NXPE4: variants seen among roughly 807,000 people sequenced by gnomAD.
The protein encoded by NXPE4 is neurexophilin and PC-esterase domain family member 4.
NXPE4 carries 42 observed loss-of-function variants against 33.3 expected under a neutral mutation model. The observed-to-expected ratio is 1.26, with a 90% CI of 0.98 to 1.63. The LOEUF (loss-of-function observed/expected upper bound fraction) is 1.63. Ranked by LOEUF, NXPE4 falls within the 40% of genes most tolerant of loss-of-function variation. The pLI, the probability that NXPE4 is intolerant of heterozygous loss-of-function variation, is 0.00. For missense variants in NXPE4, 709 were observed against 647.6 expected (o/e 1.09, Z -1.03); for synonymous variants, 253 against 234.9 (o/e 1.08, Z -0.71).
At chr11:114,663,638 A>ATCATCTATCTATCATCTG in the NXPE4 span, among the ~76,000 whole-genome samples, 1 of 7,772 alleles carries the variant, frequency 1.3e-4, no homozygotes, top group Non-Finnish European at 4.7e-4. Context: ...TCTATCTATC[A>ATCATCTATCTATCATCTG]TCTATCCATC....
Position 114,582,858 on chromosome 11 carries a change from G to C in NXPE4, c.260C>G (p.Pro87Arg). 1.9e-6 allele frequency: 3 copies of C among 1,614,176 alleles called. No homozygotes were observed. Among genetic ancestry groups the C allele is most frequent in the Non-Finnish European group, 2.5e-6 (3 of 1,180,002 alleles). The change falls in exon 3 of 6, where the codon CCT (proline) becomes CGT (arginine). Residue 87 changes from proline (P) to arginine (R), a missense_variant. Coordinates refer to ENST00000375478, the MANE Select transcript of NXPE4 (RefSeq NM_001077639.2). The part of the protein sequence containing the change: ...EKLDQQIPPR[P>R]FTHVNTTTSA... ...GGTGGTGGTGTTCACGTGGGTGAAAGGTCTGGGTGGGATCTGCTGATCTAG... is the reference window on the plus strand; with the variant it reads ...GGTGGTGGTGTTCACGTGGGTGAAACGTCTGGGTGGGATCTGCTGATCTAG...
Position 114,583,029 on chromosome 11 carries a change from G to A in NXPE4, c.97-8C>T, listed in dbSNP as rs1489523690. Reference sequence around the variant, plus strand: ...GTTTAGAGCAGACCAAACCTGAAATGACAGCAAATGTGACATGAGATGGAT... The same window carrying A: ...GTTTAGAGCAGACCAAACCTGAAATAACAGCAAATGTGACATGAGATGGAT... On this transcript the variant is annotated splice_polypyrimidine_tract_variant and splice_region_variant and intron_variant, in intron 2 of 5. Transcript: ENST00000375478. 6.3e-7 allele frequency: 1 copy of A among 1,598,000 alleles called. No individual in the cohort carries two copies. Among genetic ancestry groups the A allele is most frequent in the South Asian group, 1.1e-5 (1 of 89,216 alleles).
chr11:114,572,237 T>C (rs1948908130), intron 5 of NXPE4, among the ~76,000 whole-genome samples: 1 of 152,138 alleles, frequency 6.6e-6, no homozygotes, highest in African/African-American at 2.4e-5. Flanking sequence ...GAATCCCAGA[T>C]CTTCCCTCTG....
the NXPE4 span, among the ~76,000 whole-genome samples, chr11:114,605,870 T>C: frequency 3.3e-5 from 5 of 151,166 alleles, no homozygotes; most frequent in Non-Finnish European, 5.9e-5. Flanking sequence ...TGGTGGATAA[T>C]AAGTGTTGCC....
chr11:114,574,976 TC>T (rs1163967772), intron 5 of NXPE4, among the ~76,000 whole-genome samples: 2 of 152,162 alleles, frequency 1.3e-5, no homozygotes, highest in Admixed American at 6.5e-5. Flanking sequence ...CAATGGCATA[TC>T]AAAAAGATAA....
At chr11:114,670,711 G>A in the NXPE4 span, among the ~76,000 whole-genome samples, 1 of 151,724 alleles carries the variant, frequency 6.6e-6, no homozygotes, top group Non-Finnish European at 1.5e-5. Flanking sequence ...ATAAATAAAA[G>A]TAAAACAAGC....
At chr11:114,627,170 G>A in the NXPE4 span, among the ~76,000 whole-genome samples, 17 of 152,058 alleles carry the variant, frequency 1.1e-4, no homozygotes, top group South Asian at 4.2e-4. Flanking sequence ...TACAGAGAAC[G>A]CCACAAAGAT....
the NXPE4 span, among the ~76,000 whole-genome samples, chr11:114,635,468 C>A: frequency 1.3e-5 from 2 of 151,426 alleles, no homozygotes; most frequent in Middle Eastern, 3.4e-3. Context: ...CCTTCTCCTG[C>A]GTAATTGCCC....
chr11:114,610,406 G>A, the NXPE4 span, among the ~76,000 whole-genome samples: 4 of 151,846 alleles, frequency 2.6e-5, 1 homozygote, highest in African/African-American at 9.7e-5. Flanking sequence ...CTGTTATCCA[G>A]GGAATAATAC....
the NXPE4 span, among the ~76,000 whole-genome samples, chr11:114,629,481 T>C: frequency 6.6e-6 from 1 of 151,290 alleles, no homozygotes; most frequent in African/African-American, 2.4e-5. Flanking sequence ...CCCTTCATGC[T>C]AAAAACTCTC....
chr11:114,640,580 A>G, the NXPE4 span, among the ~76,000 whole-genome samples: 15 of 152,060 alleles, frequency 9.9e-5, no homozygotes, highest in Non-Finnish European at 1.6e-4. Flanking sequence ...CCCACAATGC[A>G]TAAGTGTTCC....
At chr11:114,633,007 A>C in the NXPE4 span, among the ~76,000 whole-genome samples, 3 of 106,184 alleles carry the variant, frequency 2.8e-5, no homozygotes, top group Admixed American at 1.4e-4. Flanking sequence ...ATAATAATAT[A>C]TATTATATAA....
chr11:114,577,361 G>A (rs1225494947), intron 5 of NXPE4, among the ~76,000 whole-genome samples: 1 of 151,700 alleles, frequency 6.6e-6, no homozygotes, highest in Non-Finnish European at 1.5e-5. Flanking sequence ...AGGACGCAAA[G>A]GCTTAAGAAT....
the NXPE4 span, among the ~76,000 whole-genome samples, chr11:114,616,846 A>T: frequency 6.6e-6 from 1 of 151,836 alleles, no homozygotes; most frequent in Non-Finnish European, 1.5e-5. Context: ...CCAGTAGATA[A>T]TAAATATTGC....
the NXPE4 span, among the ~76,000 whole-genome samples, chr11:114,627,226 C>A: frequency 2.6e-5 from 4 of 151,912 alleles, no homozygotes; most frequent in African/African-American, 9.7e-5. Context: ...GTCAGATTCA[C>A]CAAAGTTGAA....
the NXPE4 span, among the ~76,000 whole-genome samples, chr11:114,630,552 C>A: frequency 1.3e-5 from 2 of 151,604 alleles, no homozygotes; most frequent in African/African-American, 4.9e-5. Context: ...AAACGTTAGA[C>A]CTAAAACCAT....
chr11:114,604,230 G>T, the NXPE4 span, among the ~76,000 whole-genome samples: 1 of 152,086 alleles, frequency 6.6e-6, no homozygotes, highest in East Asian at 1.9e-4. Context: ...ACTGTTACCC[G>T]GTTTATAATA....
At chr11:114,624,465 C>T in the NXPE4 span, among the ~76,000 whole-genome samples, 1 of 149,766 alleles carries the variant, frequency 6.7e-6, no homozygotes, top group African/African-American at 2.5e-5. Flanking sequence ...CTGTTACCTG[C>T]TGGATAATAA....
the NXPE4 span, among the ~76,000 whole-genome samples, chr11:114,650,564 A>C: frequency 4.6e-5 from 7 of 151,622 alleles, no homozygotes; most frequent in Non-Finnish European, 8.8e-5. Context: ...CTCCTTCCCC[A>C]GGAAGTGAGA....
Sources: allele counts gnomAD v4.1 joint callset (sites outside exome capture counted in the v4.1 genomes callset), GRCh38; gene constraint gnomAD v4.1.1; transcripts MANE v1.5; gene names NCBI Gene and HGNC (gene_info 2026-07-23, HGNC 2026-07-21).